BLTP2: variants seen among roughly 807,000 people sequenced by gnomAD.
BLTP2 encodes U937-associated antigen.
At chr17:28,640,472 G>A in the BLTP2 span, 2 of 1,379,958 alleles carry the variant, frequency 1.4e-6, no homozygotes, top group African/African-American at 1.4e-5. Flanking sequence ...CCGTAGACAA[G>A]CTCAGCAAAT....
chr17:28,644,407 ACC>A, the BLTP2 span, among the ~76,000 whole-genome samples: 1 of 152,192 alleles, frequency 6.6e-6, no homozygotes, highest in African/African-American at 2.4e-5. Context: ...CAGAAACTGC[ACC>A]CTCTAAGTTG....
At chr17:28,623,342 A>C in the BLTP2 span, among the ~76,000 whole-genome samples, 1 of 152,206 alleles carries the variant, frequency 6.6e-6, no homozygotes, top group African/African-American at 2.4e-5. Context: ...ACTCCTAGGC[A>C]GTCTTTCATT....
the BLTP2 span, chr17:28,643,434 C>A: frequency 1.4e-6 from 2 of 1,430,082 alleles, no homozygotes; most frequent in South Asian, 1.2e-5. Context: ...AGATTAGTTT[C>A]ATAGCAGTTA....
At chr17:28,625,018 A>G in the BLTP2 span, among the ~76,000 whole-genome samples, 1 of 152,186 alleles carries the variant, frequency 6.6e-6, no homozygotes, top group Non-Finnish European at 1.5e-5. Flanking sequence ...TTTGTAAAAG[A>G]GTAACTCTCT....
the BLTP2 span, chr17:28,643,591 G>A: frequency 6.3e-5 from 101 of 1,609,352 alleles, no homozygotes; most frequent in Admixed American, 3.3e-4. Context: ...GGGGAGAAGT[G>A]AGAATATAGG....
the BLTP2 span, among the ~76,000 whole-genome samples, chr17:28,629,070 A>G: frequency 6.6e-6 from 1 of 152,102 alleles, no homozygotes; most frequent in African/African-American, 2.4e-5. Flanking sequence ...AAACGTTTTC[A>G]GAGTTCCTCT....
At chr17:28,642,116 A>T in the BLTP2 span, 1 of 1,603,472 alleles carries the variant, frequency 6.2e-7, no homozygotes, top group African/African-American at 1.3e-5. Context: ...TATGTAAGAA[A>T]GTTTGGAAGT....
chr17:28,619,594 G>A, the BLTP2 span: 1 of 1,606,530 alleles, frequency 6.2e-7, no homozygotes, highest in African/African-American at 1.3e-5. Context: ...ACATGGGCAA[G>A]AAAGAGAACT....
the BLTP2 span, chr17:28,636,086 A>G: frequency 6.5e-6 from 1 of 154,114 alleles, no homozygotes; most frequent in African/African-American, 2.4e-5. Flanking sequence ...AGTACTGAGC[A>G]CACAAGTCAA....
chr17:28,633,211 C>T, the BLTP2 span: 1 of 1,598,570 alleles, frequency 6.3e-7, no homozygotes, highest in Non-Finnish European at 8.6e-7. Context: ...CACTCACTTC[C>T]CCTTGGCTCT....
At chr17:28,634,692 A>G in the BLTP2 span, 2 of 1,614,078 alleles carry the variant, frequency 1.2e-6, no homozygotes, top group African/African-American at 1.3e-5. Context: ...CTAAGCTCCA[A>G]GTAAGCAGTG....
At chr17:28,619,571 A>G in the BLTP2 span, 1 of 1,563,876 alleles carries the variant, frequency 6.4e-7, no homozygotes, top group Non-Finnish European at 8.8e-7. Flanking sequence ...CACTAGACCT[A>G]AAGACAGTCA....
the BLTP2 span, chr17:28,633,058 C>T: frequency 4.4e-6 from 7 of 1,592,006 alleles, no homozygotes; most frequent in Admixed American, 3.5e-5. Context: ...CTCTGGGGCC[C>T]GCAGAGTGAC....
chr17:28,639,215 A>C, the BLTP2 span: 5 of 1,266,934 alleles, frequency 3.9e-6, no homozygotes, highest in Non-Finnish European at 5.7e-6. Context: ...TGAGGAGGTC[A>C]AACAACCAAA....
chr17:28,628,927 C>G, the BLTP2 span, among the ~76,000 whole-genome samples: 1 of 148,914 alleles, frequency 6.7e-6, no homozygotes, highest in Admixed American at 6.7e-5. Context: ...GAGAGAGACG[C>G]AGTCTCAAAA....
chr17:28,620,224 A>G, the BLTP2 span, among the ~76,000 whole-genome samples: 1 of 152,164 alleles, frequency 6.6e-6, no homozygotes, highest in Admixed American at 6.5e-5. Context: ...GATGGGATGG[A>G]GGTGGAAGCA....
At chr17:28,643,405 AAT>A in the BLTP2 span, 1 of 1,517,166 alleles carries the variant, frequency 6.6e-7, no homozygotes, top group South Asian at 1.1e-5. Context: ...CCTTCCTAGA[AAT>A]ATAGCTCAAA....
chr17:28,639,232 T>C, the BLTP2 span: 9 of 1,424,414 alleles, frequency 6.3e-6, no homozygotes, highest in East Asian at 1.1e-4. Context: ...CAAATACATA[T>C]TTAACACAGG....
At chr17:28,629,273 C>T in the BLTP2 span, among the ~76,000 whole-genome samples, 1 of 150,436 alleles carries the variant, frequency 6.6e-6, no homozygotes, top group Non-Finnish European at 1.5e-5. Context: ...CTGGTTCTGT[C>T]TCCCAGGCTG....
Sources: allele counts gnomAD v4.1 joint callset (sites outside exome capture counted in the v4.1 genomes callset), GRCh38; gene constraint gnomAD v4.1.1; transcripts MANE v1.5; gene names NCBI Gene and HGNC (gene_info 2026-07-23, HGNC 2026-07-21).